Variants in DAB1 observed in about 807,000 individuals in gnomAD.
The protein encoded by DAB1 is disabled homolog 1.
A neutral mutation model predicts 64.6 loss-of-function variants in DAB1; 15 were observed. That is an observed-to-expected ratio of 0.23 (90% confidence interval 0.16 to 0.36). The LOEUF is 0.36. Among genes scored for constraint, DAB1 ranks in the 10% least tolerant of loss-of-function variants. The pLI is 1.00. For missense variants in DAB1, 596 were observed against 706.7 expected (o/e 0.84, Z 1.78); for synonymous variants, 235 against 251.9 (o/e 0.93, Z 0.64).
chr1:57,726,186 A>G (rs539961755), intron 6 of DAB1, among the ~76,000 whole-genome samples: 2 of 152,250 alleles, frequency 1.3e-5, no homozygotes, highest in African/African-American at 4.8e-5. Flanking sequence ...AGAGTAAAGT[A>G]AAAGTTGTAA....
intron 1 of DAB1, among the ~76,000 whole-genome samples, chr1:57,315,797 C>T (rs182575902): frequency 9.7e-4 from 147 of 152,274 alleles, no homozygotes; most frequent in South Asian, 2.1e-3. Context: ...CCACCGCGCC[C>T]GGCCACCTAT....
chr1:57,351,342 G>A (rs923604779), intron 1 of DAB1, among the ~76,000 whole-genome samples: 17 of 152,060 alleles, frequency 1.1e-4, no homozygotes, highest in African/African-American at 3.4e-4. Flanking sequence ...CAAAAAGAAC[G>A]GAAGTCATTT....
Position 58,358,953 on chromosome 1 carries a change from A to AAC in DAB1, n.258-15552_258-15551dup, listed in dbSNP as rs57077530. Among the ~76,000 whole-genome samples, 176 of 123,970 alleles carry AAC rather than the reference A, an allele frequency of 1.4e-3. 1 individual carries two copies. The highest frequency in any genetic ancestry group is 8.2e-3 in the Middle Eastern group (2 of 244). The allele number at this position is 123,970 out of a possible 152,430, so 81.3% of individuals were successfully genotyped here. A position where few individuals can be genotyped will look rare whatever the true frequency, so the allele number is the denominator to read the frequency against. On this transcript the variant is annotated intron_variant and non_coding_transcript_variant, in intron 3 of 20. Coordinates refer to the DAB1 transcript ENST00000485760. ...TTTCTCTCTCTCTCTCTCTCTCTGT[A>AAC]ACACACACACACACACACACACACT...
chr1:57,639,742 A>T (rs1352453987), intron 7 of DAB1, among the ~76,000 whole-genome samples: 3 of 152,130 alleles, frequency 2.0e-5, no homozygotes, highest in South Asian at 2.1e-4. Context: ...CGCTGCCCTC[A>T]GGGTGCTTAC....
chr1:57,471,690 C>CA lies in DAB1; in HGVS notation n.625+177901dup, dbSNP rs1687142092. On this transcript the variant is annotated intron_variant and non_coding_transcript_variant, in intron 7 of 20. Transcript: ENST00000485760. ...GTAAGACATACCTTTCACCTTCTGC[C>CA]ATAATTGTGAGGCCTCCCCAGCCAC... Among the ~76,000 whole-genome samples the CA allele has an allele frequency of 3.3e-5, 5 of 152,290 alleles. No individual in the cohort carries two copies. The South Asian group carries it at 1.0e-3, about 32-fold the overall frequency.
chr1:58,074,564 G>GTGTGTATATATATA (rs1332531604), intron 5 of DAB1: 13 of 91,636 alleles, frequency 1.4e-4, no homozygotes, highest in African/African-American at 5.7e-4. Flanking sequence ...ATATATGTGT[G>GTGTGTATATATATA]TATATATATA....
At chr1:58,439,136 T>C (rs1365870560) in intron 3 of DAB1, among the ~76,000 whole-genome samples, 2 of 137,052 alleles carry the variant, frequency 1.5e-5, no homozygotes, top group East Asian at 5.1e-4. Flanking sequence ...TCAATATTTC[T>C]CAAACTGTCC....
At chr1:58,376,375 T>C (rs529103666) in intron 3 of DAB1, among the ~76,000 whole-genome samples, 2 of 137,322 alleles carry the variant, frequency 1.5e-5, no homozygotes, top group African/African-American at 5.5e-5. Flanking sequence ...TCTGGTATGT[T>C]GTGTCTTTGT....
intron 6 of DAB1, among the ~76,000 whole-genome samples, chr1:57,778,190 A>G (rs1649905056): frequency 6.6e-6 from 1 of 152,092 alleles, no homozygotes; most frequent in African/African-American, 2.4e-5. Flanking sequence ...TGATAGGCAT[A>G]TCATGATATA....
intron 5 of DAB1, among the ~76,000 whole-genome samples, chr1:57,904,702 C>A (rs1205304892): frequency 6.6e-6 from 1 of 152,132 alleles, no homozygotes; most frequent in African/African-American, 2.4e-5. Flanking sequence ...GAGGGAAGAA[C>A]AAGGGCAGAG....
chr1:57,732,237 C>G (rs1458129618), intron 6 of DAB1, among the ~76,000 whole-genome samples: 1 of 152,140 alleles, frequency 6.6e-6, no homozygotes, highest in South Asian at 2.1e-4. Context: ...CTGGAAGATG[C>G]AGATGAAAAC....
At chr1:57,471,089 A>G (rs1687118039) in intron 7 of DAB1, among the ~76,000 whole-genome samples, 1 of 152,228 alleles carries the variant, frequency 6.6e-6, no homozygotes, top group South Asian at 2.1e-4. Flanking sequence ...TTTAATCACC[A>G]TACTGGAGTC....
chr1:58,081,572 T>C (rs1450291728), intron 5 of DAB1, among the ~76,000 whole-genome samples: 1 of 152,246 alleles, frequency 6.6e-6, no homozygotes, highest in Admixed American at 6.5e-5. Flanking sequence ...TAGAAAGAAC[T>C]GGTTACATAG....
intron 7 of DAB1, among the ~76,000 whole-genome samples, chr1:57,509,073 T>C (rs1463479022): frequency 6.6e-6 from 1 of 152,144 alleles, no homozygotes. Flanking sequence ...TTTCTATATG[T>C]ACATACATGT....
chr1:58,536,599 C>A (rs1244481009), intron 1 of DAB1: 2 of 872,810 alleles, frequency 2.3e-6, no homozygotes, highest in South Asian at 2.6e-5. Context: ...GGACTTACTT[C>A]CAGGTGAGTA....
At chr1:58,504,235 C>T (rs1030190055) in intron 3 of DAB1, among the ~76,000 whole-genome samples, 2 of 152,146 alleles carry the variant, frequency 1.3e-5, no homozygotes, top group African/African-American at 4.8e-5. Flanking sequence ...GGTCTGGTCC[C>T]CTTTCACCTC....
chr1:57,365,750 A>G (rs1017414203), intron 1 of DAB1, among the ~76,000 whole-genome samples: 10 of 152,256 alleles, frequency 6.6e-5, no homozygotes, highest in African/African-American at 2.4e-4. Context: ...CACTACAAAG[A>G]GGGAAAAAGT....
intron 7 of DAB1, among the ~76,000 whole-genome samples, chr1:57,541,066 A>T (rs989823879): frequency 1.3e-5 from 2 of 152,196 alleles, no homozygotes; most frequent in Non-Finnish European, 2.9e-5. Context: ...CTATGCATAT[A>T]TCAAAATATG....
At chr1:57,212,524 C>T (rs374939425) in intron 2 of DAB1, among the ~76,000 whole-genome samples, 2 of 151,626 alleles carry the variant, frequency 1.3e-5, no homozygotes, top group African/African-American at 2.4e-5. Flanking sequence ...GCTGCCACCA[C>T]GCCTGGCTAA....
Sources: allele counts gnomAD v4.1 joint callset (sites outside exome capture counted in the v4.1 genomes callset), GRCh38; gene constraint gnomAD v4.1.1; transcripts MANE v1.5; gene names NCBI Gene and HGNC (gene_info 2026-07-23, HGNC 2026-07-21).